The following FRAS1 variants were observed in gnomAD, a reference collection of about 807,000 sequenced individuals.
FRAS1 encodes the protein Fraser extracellular matrix complex subunit 1, also known as extracellular matrix organizing protein FRAS1.
FRAS1 carries 290 observed loss-of-function variants against 435.2 expected under a neutral mutation model. That is an observed-to-expected ratio of 0.67 (90% CI 0.61 to 0.73). FRAS1 has a LOEUF of 0.73. FRAS1 is among the 30% of genes least tolerant of loss of function. FRAS1 has a pLI of 0.00. For synonymous variants in FRAS1, 1,800 were observed against 1,851.0 expected (o/e 0.97, Z 0.71); for missense variants, 4,860 against 5,001.5 (o/e 0.97, Z 0.85).
At chr4:78,298,408 T>A (rs969694153) in intron 14 of FRAS1, among the ~76,000 whole-genome samples, 12 of 151,964 alleles carry the variant, frequency 7.9e-5, no homozygotes, top group Admixed American at 7.2e-4. Context: ...TACAATTTAT[T>A]TTAAAGAAAC....
intron 58 of FRAS1, among the ~76,000 whole-genome samples, 170 bp from the exon 59 acceptor site, chr4:78,488,705 G>C (rs575872241): frequency 6.6e-6 from 1 of 152,270 alleles, no homozygotes; most frequent in South Asian, 2.1e-4. Flanking sequence ...CTTGTCCTGA[G>C]AGCAACAACC....
chr4:78,319,054 G>C, intron 18 of FRAS1, 68 bp downstream of exon 18: 2 of 1,481,104 alleles, frequency 1.4e-6, no homozygotes, highest in Non-Finnish European at 1.9e-6. Context: ...TGTGAGGTGG[G>C]ACCAAAGCCA....
intron 2 of FRAS1, among the ~76,000 whole-genome samples, chr4:78,110,212 G>C (rs1229517211): frequency 3.2e-4 from 11 of 34,632 alleles, no homozygotes; most frequent in Non-Finnish European, 4.9e-4. Flanking sequence ...TCCCCATCAA[G>C]CTACCAATGA....
intron 2 of FRAS1, among the ~76,000 whole-genome samples, chr4:78,097,996 G>C (rs1257945224): frequency 6.6e-6 from 1 of 150,846 alleles, no homozygotes; most frequent in East Asian, 1.9e-4. Flanking sequence ...TGATACCTTG[G>C]TCATGGACTT....
Position 78,543,416 on chromosome 4 carries a change from G to C in FRAS1, c.*2292G>C, listed in dbSNP as rs553373966. The C allele has an allele frequency of 5.3e-5, 8 of 152,332 alleles. 1 individual carries two copies. Among genetic ancestry groups the C allele is most frequent in the Admixed American group, 3.3e-4 (5 of 15,298 alleles). 9.4% of individuals were successfully genotyped at this position (152,332 alleles called of 1,614,324 possible). A position where few individuals can be genotyped will look rare whatever the true frequency, so the allele number is the denominator to read the frequency against. ...ATTACTGCTGAATAGGACATTGCAT[G>C]GGAAGAGTACAGAGGTGGCAGAATG... On this transcript the variant is annotated 3_prime_UTR_variant, in exon 74 of 74. Coordinates refer to ENST00000512123, the MANE Select transcript of FRAS1 (RefSeq NM_025074.7).
chr4:78,471,952 C>G (rs749754186), intron 51 of FRAS1, among the ~76,000 whole-genome samples: 11 of 152,134 alleles, frequency 7.2e-5, no homozygotes, highest in Non-Finnish European at 1.5e-4. Context: ...CAGCTCTTGC[C>G]ACATTGACCT....
intron 14 of FRAS1, among the ~76,000 whole-genome samples, chr4:78,297,507 ATG>A (rs1728190184): frequency 2.0e-5 from 3 of 152,230 alleles, no homozygotes; most frequent in African/African-American, 7.2e-5. Context: ...ATACAAAAAG[ATG>A]TGTGTTATTT....
intron 2 of FRAS1, among the ~76,000 whole-genome samples, chr4:78,167,389 A>G (rs1363059133): frequency 6.6e-6 from 1 of 151,580 alleles, no homozygotes; most frequent in Non-Finnish European, 1.5e-5. Flanking sequence ...TAAATGTGTC[A>G]TAGAGACCCC....
Position 78,396,961 on chromosome 4 carries a change from T to TGTGCTTCTTTAAGATGTCCACG in FRAS1, c.3976-3756_3976-3735dup, listed in dbSNP as rs1330600410. Among the ~76,000 whole-genome samples, 5 of 152,346 alleles carry TGTGCTTCTTTAAGATGTCCACG rather than the reference T, an allele frequency of 3.3e-5. No homozygotes were observed. The East Asian group carries it at 5.8e-4, about 18-fold the overall frequency. On this transcript the variant is annotated intron_variant, in intron 29 of 73. Transcript: ENST00000512123. ...GTCATCTACTTTTCTTTAAGATTGTTGTGCTTCTTTAAGATGTCCACGGTG... is the reference window on the plus strand; with the variant it reads ...GTCATCTACTTTTCTTTAAGATTGTTGTGCTTCTTTAAGATGTCCACGGTGCTTCTTTAAGATGTCCACGGTG...
intron 18 of FRAS1, among the ~76,000 whole-genome samples, chr4:78,325,081 T>A (rs1729666917): frequency 6.6e-6 from 1 of 152,220 alleles, no homozygotes; most frequent in Admixed American, 6.5e-5. Context: ...AATGCAGAGA[T>A]AATAAACATC....
intron 58 of FRAS1, among the ~76,000 whole-genome samples, chr4:78,482,899 C>G (rs1435048767): frequency 6.6e-6 from 1 of 152,132 alleles, no homozygotes. Context: ...TGAACAGGAA[C>G]TACAAGTGGG....
chr4:78,205,367 A>G (rs2110079802), intron 2 of FRAS1, among the ~76,000 whole-genome samples: 1 of 152,122 alleles, frequency 6.6e-6, no homozygotes, highest in African/African-American at 2.4e-5. Flanking sequence ...ACACCCAGCT[A>G]ATTTTTTGTA....
At chr4:78,459,150 T>C (rs1719292098) in intron 47 of FRAS1, among the ~76,000 whole-genome samples, 7 of 152,214 alleles carry the variant, frequency 4.6e-5, no homozygotes, top group Admixed American at 4.6e-4. Flanking sequence ...GCTTAGAATA[T>C]GAGTGTCTTT....
intron 19 of FRAS1, among the ~76,000 whole-genome samples, chr4:78,336,435 G>A (rs760018108): frequency 5.9e-5 from 9 of 152,126 alleles, no homozygotes; most frequent in Non-Finnish European, 1.2e-4. Context: ...CTTTCCGCTG[G>A]GAGCCAGCAG....
intron 3 of FRAS1, among the ~76,000 whole-genome samples, chr4:78,239,818 A>G (rs539674794): frequency 6.6e-6 from 1 of 152,178 alleles, no homozygotes; most frequent in African/African-American, 2.4e-5. Flanking sequence ...ATATACATAT[A>G]TGTATACATA....
chr4:78,395,725 C>T (rs1732631811), intron 29 of FRAS1, among the ~76,000 whole-genome samples: 1 of 152,026 alleles, frequency 6.6e-6, no homozygotes, highest in Non-Finnish European at 1.5e-5. Flanking sequence ...TCCATCCTTT[C>T]ACTTTCAGCC....
intron 27 of FRAS1, among the ~76,000 whole-genome samples, chr4:78,380,546 A>G (rs1471749): frequency 0.63 from 96,246 of 151,994 alleles, 30,608 homozygotes; most frequent in African/African-American, 0.66. Context: ...CCCAGCTGAC[A>G]TATGCTTCAG....
At chr4:78,117,722 C>T (rs1718718400) in intron 2 of FRAS1, among the ~76,000 whole-genome samples, 1 of 152,206 alleles carries the variant, frequency 6.6e-6, no homozygotes, top group South Asian at 2.1e-4. Flanking sequence ...TTCTAGTTAG[C>T]CATTCATCTA....
chr4:78,498,822 T>G (rs1374100430), intron 60 of FRAS1, among the ~76,000 whole-genome samples: 1 of 145,626 alleles, frequency 6.9e-6, no homozygotes, highest in Non-Finnish European at 1.5e-5. Context: ...TTGAATTTTT[T>G]GGTAAAAATC....
Sources: allele counts gnomAD v4.1 joint callset (sites outside exome capture counted in the v4.1 genomes callset), GRCh38; gene constraint gnomAD v4.1.1; transcripts MANE v1.5; gene names NCBI Gene and HGNC (gene_info 2026-07-23, HGNC 2026-07-21).